Variants in TRIM9 observed in about 807,000 individuals in gnomAD.
TRIM9 encodes the protein tripartite motif containing 9.
Under a neutral mutation model 78.3 loss-of-function variants are expected in TRIM9, and 26 were observed. That is an observed-to-expected ratio of 0.33 (90% CI 0.24 to 0.46). The LOEUF is 0.46. Ranked by LOEUF, TRIM9 falls within the 20% of genes least tolerant of loss-of-function variation. The pLI, the probability that TRIM9 is intolerant of heterozygous loss-of-function variation, is 1.00. For missense variants in TRIM9, 787 were observed against 1,036.4 expected, an observed-to-expected ratio of 0.76 and a Z score of 3.30; for synonymous variants, 398 against 416.5, an observed-to-expected ratio of 0.96 and a Z score of 0.54.
chr14:51,041,902 G>A (rs2059605146), intron 1 of TRIM9, among the ~76,000 whole-genome samples: 1 of 152,072 alleles, frequency 6.6e-6, no homozygotes, highest in Non-Finnish European at 1.5e-5. Context: ...CAATCTAGTG[G>A]TATAAAATTA....
At chr14:51,038,245 G>A (rs1208024571) in intron 1 of TRIM9, among the ~76,000 whole-genome samples, 1 of 152,186 alleles carries the variant, frequency 6.6e-6, no homozygotes, top group Non-Finnish European at 1.5e-5. Flanking sequence ...CACATTGCTG[G>A]TTTTGAAAAT....
chr14:50,982,810 C>T (rs908253530), intron 10 of TRIM9, 132 bp downstream of exon 10: 29 of 816,626 alleles, frequency 3.6e-5, no homozygotes, highest in South Asian at 1.6e-4. Flanking sequence ...CGCATTGTTA[C>T]GCCCCAAGTT....
intron 1 of TRIM9, among the ~76,000 whole-genome samples, chr14:51,051,151 T>C (rs891973707): frequency 6.6e-6 from 1 of 152,220 alleles, no homozygotes; most frequent in Non-Finnish European, 1.5e-5. Flanking sequence ...GGAATTCATA[T>C]GTTCTGGTTC....
At chr14:51,093,117 A>C (rs1490168761) in intron 1 of TRIM9, among the ~76,000 whole-genome samples, 1 of 152,176 alleles carries the variant, frequency 6.6e-6, no homozygotes, top group Non-Finnish European at 1.5e-5. Context: ...AGGGGCCAAA[A>C]TGGAAGAGGT....
At chr14:51,086,480 G>A (rs945514541) in intron 1 of TRIM9, among the ~76,000 whole-genome samples, 5 of 152,058 alleles carry the variant, frequency 3.3e-5, no homozygotes, top group South Asian at 2.1e-4. Flanking sequence ...TTAAAATACC[G>A]GGTTATATTG....
At chr14:51,010,879 G>A (rs1334957764) in intron 3 of TRIM9, among the ~76,000 whole-genome samples, 1 of 152,196 alleles carries the variant, frequency 6.6e-6, no homozygotes, top group Non-Finnish European at 1.5e-5. Context: ...AGATGCTGCT[G>A]CAGCTGTGCT....
rs947698693 is a variant in TRIM9, at chr14:51,031,394, T to C, written c.823-6034A>G. 8.5e-5 allele frequency among the ~76,000 whole-genome samples: 13 copies of C among 152,222 alleles called. No homozygotes were observed. The South Asian group carries it at 1.9e-3, about 22-fold the overall frequency. On this transcript the variant is annotated intron_variant, in intron 1 of 12. Coordinates refer to ENST00000684578, the MANE Select transcript of TRIM9 (RefSeq NM_001387360.1). ...GCCAAAAGAATTCGATGTTGTTCCA[T>C]TGAATACCTGAAGAAAGGGACTCTA...
chr14:51,041,802 G>A (rs1449842152), intron 1 of TRIM9, among the ~76,000 whole-genome samples: 2 of 150,684 alleles, frequency 1.3e-5, no homozygotes, highest in African/African-American at 2.4e-5. Context: ...CTAATATGAT[G>A]TTAAGTGTTT....
At chr14:51,034,869 T>G (rs1478254352) in intron 1 of TRIM9, among the ~76,000 whole-genome samples, 1 of 152,230 alleles carries the variant, frequency 6.6e-6, no homozygotes, top group Non-Finnish European at 1.5e-5. Context: ...TTTCTTGTCC[T>G]ATTCTATCAC....
chr14:51,086,229 G>A (rs879547310), intron 1 of TRIM9, among the ~76,000 whole-genome samples: 1 of 152,190 alleles, frequency 6.6e-6, no homozygotes, highest in Non-Finnish European at 1.5e-5. Flanking sequence ...GTGAGTTGTA[G>A]AGTCAGACAG....
At chr14:51,019,965 G>A (rs2057588405) in intron 3 of TRIM9, among the ~76,000 whole-genome samples, 1 of 152,164 alleles carries the variant, frequency 6.6e-6, no homozygotes, top group African/African-American at 2.4e-5. Flanking sequence ...AGATTATAAA[G>A]ACTGCGTAAG....
intron 1 of TRIM9, among the ~76,000 whole-genome samples, chr14:51,092,691 G>A (rs1296210167): frequency 6.6e-6 from 1 of 152,194 alleles, no homozygotes; most frequent in African/African-American, 2.4e-5. Flanking sequence ...ATCTCCTCAA[G>A]AGTTGCTCCC....
intron 1 of TRIM9, among the ~76,000 whole-genome samples, chr14:51,070,776 ACAG>A (rs1296560528): frequency 2.1e-3 from 323 of 152,318 alleles, no homozygotes; most frequent in African/African-American, 7.3e-3. Flanking sequence ...GAAAAATGGC[ACAG>A]TGTATTTGTT....
chr14:51,071,375 T>TAA (rs1175081728), intron 1 of TRIM9, among the ~76,000 whole-genome samples: 2 of 48,482 alleles, frequency 4.1e-5, no homozygotes, highest in African/African-American at 1.7e-4. Context: ...AAACTCCGTC[T>TAA]AAAAAAAAAA....
At chr14:50,978,782 G>C (rs949850736) in intron 12 of TRIM9, 43 of 494,312 alleles carry the variant, frequency 8.7e-5, no homozygotes, top group African/African-American at 8.7e-4. Context: ...TTTTTTCACT[G>C]ATGTATCCCA....
At chr14:51,070,071 A>G (rs149261575) in intron 1 of TRIM9, among the ~76,000 whole-genome samples, 13 of 152,238 alleles carry the variant, frequency 8.5e-5, no homozygotes, top group Middle Eastern at 3.4e-3. Flanking sequence ...TGTACTTTTC[A>G]TGGTATATTC....
chr14:51,037,211 A>C (rs2059226750), intron 1 of TRIM9, among the ~76,000 whole-genome samples: 1 of 152,208 alleles, frequency 6.6e-6, no homozygotes. Flanking sequence ...CCGAGATCAA[A>C]TAGGAAATTA....
At chr14:51,077,370 T>A (rs576158443) in intron 1 of TRIM9, among the ~76,000 whole-genome samples, 67 of 149,352 alleles carry the variant, frequency 4.5e-4, no homozygotes, top group African/African-American at 1.6e-3. Context: ...TGGCCCTCAG[T>A]CTCATCTCCA....
chr14:51,090,952 A>T (rs1272880824), intron 1 of TRIM9: 1 of 152,182 alleles, frequency 6.6e-6, no homozygotes, highest in South Asian at 2.1e-4. Flanking sequence ...AGGATTTAGG[A>T]ATGTGAACTG....
Sources: allele counts gnomAD v4.1 joint callset (sites outside exome capture counted in the v4.1 genomes callset), GRCh38; gene constraint gnomAD v4.1.1; transcripts MANE v1.5; gene names NCBI Gene and HGNC (gene_info 2026-07-23, HGNC 2026-07-21).